EFCAB12: variants seen among roughly 807,000 people sequenced by gnomAD.
The protein encoded by EFCAB12 is EF-hand calcium-binding domain-containing protein 12.
Under a neutral mutation model 53.6 loss-of-function variants are expected in EFCAB12, and 43 were observed. The observed-to-expected ratio is 0.80, with a 90% CI of 0.63 to 1.03. The LOEUF is 1.03. Among genes scored for constraint, EFCAB12 ranks in the 50% least tolerant of loss-of-function variants. The probability of loss-of-function intolerance (pLI) is 0.00; values close to 1 mark genes in which losing one functional copy is unlikely to be tolerated. For synonymous variants in EFCAB12, 269 were observed against 289.2 expected (o/e 0.93, Z 0.71); for missense variants, 646 against 730.6 (o/e 0.88, Z 1.34).
intron 1 of EFCAB12, 63 bp from the exon 2 acceptor site, chr3:129,421,866 G>A: frequency 1.3e-6 from 2 of 1,483,066 alleles, no homozygotes; most frequent in South Asian, 1.3e-5. Flanking sequence ...GAGCCAGGAA[G>A]GAAAAACACT....
chr3:129,406,105 G>A (rs2071947259), intron 6 of EFCAB12, among the ~76,000 whole-genome samples: 1 of 151,920 alleles, frequency 6.6e-6, no homozygotes, highest in African/African-American at 2.4e-5. Context: ...GAAGCACAGA[G>A]GGGAAGACCT....
intron 1 of EFCAB12, among the ~76,000 whole-genome samples, chr3:129,425,779 G>A (rs1002489169): frequency 1.3e-5 from 2 of 152,194 alleles, no homozygotes; most frequent in East Asian, 1.9e-4. Flanking sequence ...GCTCTCAGAC[G>A]CCAGCTAGTT....
At chr3:129,405,272 A>T (rs2071933623) in intron 6 of EFCAB12, among the ~76,000 whole-genome samples, 1 of 152,228 alleles carries the variant, frequency 6.6e-6, no homozygotes, top group Non-Finnish European at 1.5e-5. Context: ...TAAGCTGGTA[A>T]CACATGAAAG....
chr3:129,425,489 G>A (rs906690729), intron 1 of EFCAB12, among the ~76,000 whole-genome samples: 7 of 151,948 alleles, frequency 4.6e-5, no homozygotes, highest in African/African-American at 1.7e-4. Flanking sequence ...TGGGTTTTCA[G>A]TTTTTGCATT....
At position 129,401,747 on chromosome 3, in the gene EFCAB12, G is replaced by A. The variant is rs754518290; in HGVS notation, c.1565C>T (p.Ala522Val). The A allele has an allele frequency of 2.5e-6, 4 of 1,606,520 alleles. No individual in the cohort carries two copies. The East Asian group carries it at 6.7e-5, about 27-fold the overall frequency. Reference sequence around the variant, plus strand: ...GAAGAGCGCCAGGCTCCGGTCTGTGGCCACAGTGGGCAGGTAGAGCTGCAG... The same window carrying A: ...GAAGAGCGCCAGGCTCCGGTCTGTGACCACAGTGGGCAGGTAGAGCTGCAG... The part of the protein sequence containing the change: ...DKLQLYLPTV[A>V]TDRSLALFSC... Residue 522 changes from alanine (A) to valine (V), a missense_variant, in exon 9 of 9, where the codon GCC becomes GTC. Physicochemically the swap from Ala to Val is moderately conservative, Grantham distance 64. Transcript: ENST00000505956.
In EFCAB12 at chr3:129,428,573, C is replaced by T; in HGVS notation, c.-85G>A. The T allele has an allele frequency of 2.0e-6, 3 of 1,510,384 alleles. No individual in the cohort carries two copies. The highest frequency in any genetic ancestry group is 2.5e-5 in the South Asian group (2 of 81,546). 93.6% of individuals were successfully genotyped at this position (1,510,384 alleles called of 1,614,324 possible). A position where few individuals can be genotyped will look rare whatever the true frequency, so the allele number is the denominator to read the frequency against. On this transcript the variant is annotated 5_prime_UTR_variant, in exon 1 of 9. Transcript: ENST00000505956. Reference sequence around the variant, plus strand: ...TGCTTGCGTAGGGGTACCGGGGTATCAGATAAACCGTAACTCCAAGTCGTG... The same window carrying T: ...TGCTTGCGTAGGGGTACCGGGGTATTAGATAAACCGTAACTCCAAGTCGTG...
chr3:129,406,708 G>T (rs1048819094), intron 6 of EFCAB12, among the ~76,000 whole-genome samples: 1 of 152,108 alleles, frequency 6.6e-6, no homozygotes, highest in African/African-American at 2.4e-5. Context: ...TTGCCATGTT[G>T]CCCAGGCTGT....
At chr3:129,422,012 G>A (rs2072195641) in intron 1 of EFCAB12, among the ~76,000 whole-genome samples, 1 of 152,144 alleles carries the variant, frequency 6.6e-6, no homozygotes, top group Non-Finnish European at 1.5e-5. Flanking sequence ...GGCTCTATAT[G>A]CTTTCTCTTA....
intron 8 of EFCAB12, 90 bp downstream of exon 8, chr3:129,402,433 G>A: frequency 7.1e-7 from 1 of 1,403,824 alleles, no homozygotes; most frequent in Non-Finnish European, 9.9e-7. Flanking sequence ...CCCAGCTGTT[G>A]TGCCAGGAGT....
intron 2 of EFCAB12, 148 bp from the exon 3 acceptor site, chr3:129,418,596 G>T: frequency 1.7e-6 from 1 of 580,876 alleles, no homozygotes; most frequent in Non-Finnish European, 2.6e-6. Context: ...CAGGGCAACT[G>T]TGTTTGGCCA....
rs1157211057 is a variant in EFCAB12, at chr3:129,404,421, A to C, written c.1250-18T>G. ...CAGCAAGGCTGTGGACAGCAAGAGAAACATCTGCACCCATCAACCCAGACT... is the reference window on the plus strand; with the variant it reads ...CAGCAAGGCTGTGGACAGCAAGAGACACATCTGCACCCATCAACCCAGACT... On this transcript the variant is annotated intron_variant, in intron 6 of 8. Transcript: ENST00000505956. 2 of 1,609,854 alleles carry C rather than the reference A, an allele frequency of 1.2e-6. No homozygotes were observed. The highest frequency in any genetic ancestry group is 2.2e-5 in the South Asian group (2 of 90,418).
chr3:129,418,322 A>G lies in EFCAB12; in HGVS notation c.613T>C (p.Phe205Leu), dbSNP rs183312045. Residue 205 changes from phenylalanine to leucine, a missense_variant, in exon 3 of 9, where the codon TTT (phenylalanine) becomes CTT (leucine). Physicochemically the swap from Phe to Leu is conservative, Grantham distance 22. Transcript: ENST00000505956. ...TTCTCACCCTGGCCCACCTTGTGAA[A>G]TATCTCCAGGATCTTGATCTTGCGG... Reference protein sequence around the residue: ...HSRKIKILEIFHKVGQGENQR... With the variant: ...HSRKIKILEILHKVGQGENQR... The G allele has an allele frequency of 3.1e-6, 5 of 1,613,716 alleles. No individual in the cohort carries two copies. Among genetic ancestry groups the G allele is most frequent in the East Asian group, 2.2e-5 (1 of 44,884 alleles).
intron 3 of EFCAB12, among the ~76,000 whole-genome samples, chr3:129,416,290 T>C (rs1310659240): frequency 1.3e-5 from 2 of 152,094 alleles, no homozygotes; most frequent in Non-Finnish European, 2.9e-5. Context: ...TGGGGACACA[T>C]GCCTGTAATC....
rs368654086 is a variant in EFCAB12, at chr3:129,418,256, C to T, written c.679G>A (p.Ala227Thr). ...CAGAGAAAGCAGGTGGCACTTACTGCCTTTACAGCCGCGATGAACTCCTCC... is the reference window on the plus strand; with the variant it reads ...CAGAGAAAGCAGGTGGCACTTACTGTCTTTACAGCCGCGATGAACTCCTCC... ...TREEFIAAVK[A>T]VGVPLKNQEV... The change falls in exon 3 of 9, where the codon GCA becomes ACA. Residue 227 changes from alanine (A) to threonine (T), a missense_variant and splice_region_variant. Coordinates refer to ENST00000505956, the MANE Select transcript of EFCAB12 (RefSeq NM_207307.3). The T allele has an allele frequency of 6.8e-6, 11 of 1,606,242 alleles. No homozygotes were observed. The African/African-American group carries it at 1.1e-4, about 16-fold the overall frequency.
chr3:129,419,271 T>C (rs2107741099), intron 2 of EFCAB12, among the ~76,000 whole-genome samples: 1 of 152,346 alleles, frequency 6.6e-6, no homozygotes, highest in Admixed American at 6.5e-5. Context: ...TTAATTTACA[T>C]TATTAAATAG....
Position 129,421,467 on chromosome 3 carries a change from T to C in EFCAB12, c.386A>G (p.Lys129Arg). ...FGDVKRWLENKPSITPSEAKV... is the reference protein window; with the variant it reads ...FGDVKRWLENRPSITPSEAKV... ...GGCCTCTGAAGGCGTGATGCTGGGC[T>C]TGTTCTCCAGCCACCTCTTTACATC... Residue 129 changes from lysine to arginine, a missense_variant, in exon 2 of 9, where the codon AAG becomes AGG. By Grantham distance (26) the Lys-to-Arg change is conservative. Transcript: ENST00000505956. 1 of 1,614,054 alleles carries C rather than the reference T, an allele frequency of 6.2e-7. No individual in the cohort carries two copies. Among genetic ancestry groups the C allele is most frequent in the Non-Finnish European group, 8.5e-7 (1 of 1,179,898 alleles).
At chr3:129,421,127 C>T (rs1187411903) in intron 2 of EFCAB12, among the ~76,000 whole-genome samples, 1 of 152,258 alleles carries the variant, frequency 6.6e-6, no homozygotes, top group African/African-American at 2.4e-5. Flanking sequence ...AAAGCTACTC[C>T]CTGATTTCTG....
At chr3:129,420,429 A>G (rs1245611599) in intron 2 of EFCAB12, among the ~76,000 whole-genome samples, 2 of 152,212 alleles carry the variant, frequency 1.3e-5, no homozygotes, top group African/African-American at 2.4e-5. Flanking sequence ...TCCCAAGGAA[A>G]TGTCACAGAG....
chr3:129,408,439 T>A (rs1452890402), intron 6 of EFCAB12, among the ~76,000 whole-genome samples: 1 of 152,172 alleles, frequency 6.6e-6, no homozygotes, highest in Non-Finnish European at 1.5e-5. Context: ...CCTCCGGGTC[T>A]TGTGTTCTAG....
Sources: gnomAD v4.1 joint callset for allele counts (sites outside exome capture counted in the v4.1 genomes callset) on GRCh38, gnomAD v4.1.1 for gene constraint, MANE v1.5 for transcripts, NCBI Gene and HGNC (gene_info 2026-07-23, HGNC 2026-07-21) for gene names.